The following NALF1 variants were observed in gnomAD, a reference collection of about 807,000 sequenced individuals.
NALF1 encodes the protein family with sequence similarity 155 member A.
In NALF1, 3 loss-of-function variants were observed where a neutral mutation model predicts 48.4. The ratio of observed to expected loss-of-function variants is 0.06; its 90% CI spans 0.03 to 0.16. The LOEUF (loss-of-function observed/expected upper bound fraction) is 0.16. Ranked by LOEUF, NALF1 falls within the 10% of genes least tolerant of loss-of-function variation. The probability of loss-of-function intolerance (pLI) is 1.00; values close to 1 mark genes in which losing one functional copy is unlikely to be tolerated. For missense variants in NALF1, 526 were observed against 571.5 expected (o/e 0.92, Z 0.81); for synonymous variants, 262 against 245.7 (o/e 1.07, Z -0.62).
chr13:107,761,374 GA>G (rs1566472047), intron 1 of NALF1, among the ~76,000 whole-genome samples: 21 of 126,336 alleles, frequency 1.7e-4, no homozygotes, highest in South Asian at 5.1e-4. Flanking sequence ...CAAAAAAAAA[GA>G]AAAAAAAAAG....
rs1877023208 is a variant in NALF1, at chr13:107,542,424, T to C, written c.915+323258A>G. ...GTTCAGAAATTGACTGTGGTGATAG[T>C]TTGACATATCTGTGAATATATTAAA... is the stretch of plus-strand genomic sequence containing the variant. On this transcript the variant is annotated intron_variant, in intron 1 of 2. Coordinates refer to ENST00000375915, the MANE Select transcript of NALF1 (RefSeq NM_001080396.3). Among the ~76,000 whole-genome samples, 11 of 152,144 alleles carry C rather than the reference T, an allele frequency of 7.2e-5. No homozygotes were observed. In the South Asian group the frequency reaches 2.3e-3, roughly 32 times the overall value.
At chr13:107,822,098 T>C (rs376042786) in intron 1 of NALF1, among the ~76,000 whole-genome samples, 112 of 148,054 alleles carry the variant, frequency 7.6e-4, no homozygotes, top group African/African-American at 2.9e-3. Context: ...TTGAGAAGCA[T>C]GCATCCTTAG....
chr13:107,828,256 G>T (rs1372400635), intron 1 of NALF1, among the ~76,000 whole-genome samples: 1 of 152,056 alleles, frequency 6.6e-6, no homozygotes, highest in Non-Finnish European at 1.5e-5. Flanking sequence ...CCAAATTTTT[G>T]TTATTGTTAT....
intron 1 of NALF1, among the ~76,000 whole-genome samples, chr13:107,276,362 C>T (rs1484914209): frequency 6.6e-6 from 1 of 152,204 alleles, no homozygotes; most frequent in African/African-American, 2.4e-5. Flanking sequence ...CTATTAAACA[C>T]ATAACCTCAT....
intron 1 of NALF1, among the ~76,000 whole-genome samples, chr13:107,734,183 G>A (rs1384554321): frequency 1.3e-5 from 2 of 152,066 alleles, no homozygotes; most frequent in African/African-American, 2.4e-5. Flanking sequence ...CACTGTATAT[G>A]CAGTCTGTCC....
At chr13:107,774,092 T>C (rs1242770395) in intron 1 of NALF1, among the ~76,000 whole-genome samples, 1 of 152,216 alleles carries the variant, frequency 6.6e-6, no homozygotes, top group Non-Finnish European at 1.5e-5. Context: ...GAAATTGTAC[T>C]TTTTTATGAA....
chr13:107,672,263 A>T (rs1881008546), intron 1 of NALF1, among the ~76,000 whole-genome samples: 1 of 152,210 alleles, frequency 6.6e-6, no homozygotes, highest in African/African-American at 2.4e-5. Flanking sequence ...ATAGAGGAAG[A>T]TTGACTATTA....
At chr13:107,543,877 T>C (rs1877064269) in intron 1 of NALF1, among the ~76,000 whole-genome samples, 1 of 151,936 alleles carries the variant, frequency 6.6e-6, no homozygotes, top group South Asian at 2.1e-4. Flanking sequence ...GATTCAGAGG[T>C]GCAGAGAAAA....
intron 1 of NALF1, among the ~76,000 whole-genome samples, chr13:107,756,851 C>A (rs998808372): frequency 6.6e-6 from 1 of 152,066 alleles, no homozygotes; most frequent in African/African-American, 2.4e-5. Flanking sequence ...ATTGTTTGCT[C>A]ACATAGAAAA....
chr13:107,683,608 G>A (rs1881358506), intron 1 of NALF1, among the ~76,000 whole-genome samples: 1 of 152,142 alleles, frequency 6.6e-6, no homozygotes, highest in Non-Finnish European at 1.5e-5. Context: ...CACTCCCTAC[G>A]CTTTGCTCCA....
At chr13:107,504,512 A>G (rs1180656772) in intron 1 of NALF1, among the ~76,000 whole-genome samples, 1 of 152,218 alleles carries the variant, frequency 6.6e-6, no homozygotes, top group East Asian at 1.9e-4. Context: ...TACATATCCC[A>G]TAACATCACA....
chr13:107,309,060 T>C (rs1369411459), intron 1 of NALF1, among the ~76,000 whole-genome samples: 1 of 152,216 alleles, frequency 6.6e-6, no homozygotes, highest in Non-Finnish European at 1.5e-5. Flanking sequence ...GCTATTCCAA[T>C]AGAAATGTAC....
chr13:107,351,237 G>A (rs1882866145), intron 1 of NALF1, among the ~76,000 whole-genome samples: 1 of 147,350 alleles, frequency 6.8e-6, no homozygotes, highest in Non-Finnish European at 1.5e-5. Flanking sequence ...GGTAGATCTC[G>A]CGTTAAGTGT....
At chr13:107,502,445 G>C (rs1165960861) in intron 1 of NALF1, among the ~76,000 whole-genome samples, 1 of 152,126 alleles carries the variant, frequency 6.6e-6, no homozygotes, top group Non-Finnish European at 1.5e-5. Flanking sequence ...AAGCTACATT[G>C]AAGGATTTCA....
chr13:107,397,136 G>A (rs966632743), intron 1 of NALF1, among the ~76,000 whole-genome samples: 11 of 152,144 alleles, frequency 7.2e-5, no homozygotes, highest in Non-Finnish European at 1.3e-4. Flanking sequence ...GAGCCAGCCA[G>A]CCCAGCAGGG....
chr13:107,172,217 C>A (rs572166884), intron 2 of NALF1, among the ~76,000 whole-genome samples: 2 of 152,180 alleles, frequency 1.3e-5, no homozygotes, highest in Admixed American at 6.5e-5. Context: ...TGTACTCATA[C>A]CCCTGGGCTA....
At chr13:107,281,539 G>T (rs929066040) in intron 1 of NALF1, among the ~76,000 whole-genome samples, 3 of 152,136 alleles carry the variant, frequency 2.0e-5, no homozygotes, top group African/African-American at 7.2e-5. Context: ...CACAGAAAGG[G>T]CTGCAAAAAG....
At chr13:107,195,372 G>A (rs893179417) in intron 2 of NALF1, among the ~76,000 whole-genome samples, 22 of 152,128 alleles carry the variant, frequency 1.4e-4, no homozygotes, top group Admixed American at 1.3e-4. Context: ...TTGTAATGGC[G>A]GTAACATACT....
intron 1 of NALF1, among the ~76,000 whole-genome samples, chr13:107,839,911 A>C (rs1278727565): frequency 6.6e-6 from 1 of 152,116 alleles, no homozygotes; most frequent in Non-Finnish European, 1.5e-5. Context: ...CTTCCCTTTA[A>C]TATATAAAAA....
Sources: gnomAD v4.1 joint callset for allele counts (sites outside exome capture counted in the v4.1 genomes callset) on GRCh38, gnomAD v4.1.1 for gene constraint, MANE v1.5 for transcripts, NCBI Gene and HGNC (gene_info 2026-07-23, HGNC 2026-07-21) for gene names.